FBXL17: variants seen among roughly 807,000 people sequenced by gnomAD.
The protein encoded by FBXL17 is F-box and leucine rich repeat protein 17.
In FBXL17, 22 loss-of-function variants were observed where a neutral mutation model predicts 66.2. The ratio of observed to expected loss-of-function variants is 0.33; its 90% CI spans 0.24 to 0.47. The LOEUF is 0.47. Among genes scored for constraint, FBXL17 ranks in the 20% least tolerant of loss-of-function variants. FBXL17 has a pLI of 1.00. For missense variants in FBXL17, 878 were observed against 948.2 expected (o/e 0.93, Z 0.97); for synonymous variants, 474 against 400.5 (o/e 1.18, Z -2.19).
chr5:108,126,661 A>G (rs202044207), intron 6 of FBXL17, among the ~76,000 whole-genome samples: 1 of 118,554 alleles, frequency 8.4e-6, no homozygotes, highest in African/African-American at 3.1e-5. Flanking sequence ...CTATATATAT[A>G]TACATATATA....
chr5:108,098,662 G>A (rs946687465), intron 6 of FBXL17, among the ~76,000 whole-genome samples: 3 of 150,164 alleles, frequency 2.0e-5, no homozygotes, highest in African/African-American at 4.9e-5. Context: ...GGAAAATGGC[G>A]TGAACCCGGG....
At chr5:108,210,732 T>G (rs1481851969) in intron 5 of FBXL17, among the ~76,000 whole-genome samples, 1 of 152,214 alleles carries the variant, frequency 6.6e-6, no homozygotes, top group Non-Finnish European at 1.5e-5. Context: ...TACTTCCAAT[T>G]ACGTGGTCAA....
chr5:108,354,068 T>C (rs1460570817), intron 3 of FBXL17, among the ~76,000 whole-genome samples: 2 of 152,230 alleles, frequency 1.3e-5, no homozygotes, highest in African/African-American at 4.8e-5. Context: ...ATAATTCCTT[T>C]GAGTATCCTG....
At chr5:107,975,333 CTTAT>C (rs1488110689) in intron 7 of FBXL17, among the ~76,000 whole-genome samples, 2 of 152,074 alleles carry the variant, frequency 1.3e-5, no homozygotes, top group Non-Finnish European at 2.9e-5. Context: ...CTACAGTTAT[CTTAT>C]TTTTCATTAT....
intron 4 of FBXL17, among the ~76,000 whole-genome samples, chr5:108,341,888 A>G (rs1400047730): frequency 6.6e-6 from 1 of 152,102 alleles, no homozygotes; most frequent in Non-Finnish European, 1.5e-5. Context: ...TCATCACATC[A>G]CTACATGTAA....
In FBXL17 at chr5:108,213,152, C is replaced by A. The variant is rs529392660; in HGVS notation, c.1614+10969G>T. On this transcript the variant is annotated intron_variant, in intron 5 of 8. Transcript: ENST00000542267. The stretch of plus-strand genomic sequence containing the variant: ...GCAATGGCAGGTGACCCTCCCCCTA[C>A]CGAGCTTGAGCCACAGCAGGCTGCT... 1.1e-4 allele frequency among the ~76,000 whole-genome samples: 16 copies of A among 152,214 alleles called. No individual in the cohort carries two copies. In the South Asian group the frequency reaches 3.3e-3, roughly 32 times the overall value.
At chr5:107,871,154 T>C (rs1164417608) in intron 8 of FBXL17, among the ~76,000 whole-genome samples, 1 of 148,954 alleles carries the variant, frequency 6.7e-6, no homozygotes, top group African/African-American at 2.5e-5. Flanking sequence ...GGCAGGCTCA[T>C]AAATTCAGTC....
At chr5:108,162,756 T>C (rs1308016601) in intron 6 of FBXL17, among the ~76,000 whole-genome samples, 1 of 152,178 alleles carries the variant, frequency 6.6e-6, no homozygotes, top group Non-Finnish European at 1.5e-5. Flanking sequence ...AATAACAGTA[T>C]CACCTCACAG....
At chr5:108,103,492 C>T (rs1047907079) in intron 6 of FBXL17, among the ~76,000 whole-genome samples, 4 of 152,040 alleles carry the variant, frequency 2.6e-5, no homozygotes, top group Non-Finnish European at 5.9e-5. Flanking sequence ...TCAATGTGAA[C>T]CTTTAGTATA....
chr5:108,009,020 C>A (rs935120820), intron 7 of FBXL17, among the ~76,000 whole-genome samples: 2 of 150,412 alleles, frequency 1.3e-5, no homozygotes, highest in Non-Finnish European at 3.0e-5. Context: ...GGAAATTTAA[C>A]CTAAGAAAGA....
chr5:107,966,915 G>T (rs918157772), intron 7 of FBXL17, among the ~76,000 whole-genome samples: 2 of 151,780 alleles, frequency 1.3e-5, no homozygotes, highest in African/African-American at 4.8e-5. Flanking sequence ...CCTTGTTTTG[G>T]GTAATTTTTC....
intron 6 of FBXL17, among the ~76,000 whole-genome samples, chr5:108,176,236 T>C (rs1005145442): frequency 6.6e-6 from 1 of 152,200 alleles, no homozygotes; most frequent in Admixed American, 6.5e-5. Flanking sequence ...TCTCATTCTT[T>C]CCTATAATTT....
At chr5:108,377,550 A>G (rs1329098448) in intron 1 of FBXL17, among the ~76,000 whole-genome samples, 2 of 152,238 alleles carry the variant, frequency 1.3e-5, no homozygotes, top group African/African-American at 4.8e-5. Flanking sequence ...CCCACGCGAG[A>G]ATGCTGTAGA....
intron 7 of FBXL17, among the ~76,000 whole-genome samples, chr5:108,016,046 T>C (rs1754373375): frequency 6.6e-6 from 1 of 152,174 alleles, no homozygotes; most frequent in South Asian, 2.1e-4. Context: ...TGACTCAATA[T>C]TTTTTGACAG....
At chr5:108,049,504 G>A (rs1319278808) in intron 6 of FBXL17, among the ~76,000 whole-genome samples, 1 of 152,026 alleles carries the variant, frequency 6.6e-6, no homozygotes, top group Admixed American at 6.6e-5. Context: ...ATAAGTGAAG[G>A]ATAAATAATA....
At chr5:108,353,448 T>C (rs1450479396) in intron 3 of FBXL17, among the ~76,000 whole-genome samples, 1 of 152,214 alleles carries the variant, frequency 6.6e-6, no homozygotes, top group Admixed American at 6.5e-5. Context: ...CTCATGCTTT[T>C]GTGAGTTTTA....
At chr5:108,200,624 A>G (rs1317462735) in intron 5 of FBXL17, among the ~76,000 whole-genome samples, 1 of 152,094 alleles carries the variant, frequency 6.6e-6, no homozygotes, top group Non-Finnish European at 1.5e-5. Flanking sequence ...GCCTCTGATA[A>G]AACACAATAA....
chr5:107,888,888 G>A (rs1043613389), intron 7 of FBXL17, among the ~76,000 whole-genome samples: 11 of 152,104 alleles, frequency 7.2e-5, no homozygotes, highest in Non-Finnish European at 1.2e-4. Flanking sequence ...TAAGTGTTAC[G>A]TTTAACTTTA....
chr5:107,946,293 A>C (rs1369198634), intron 7 of FBXL17, among the ~76,000 whole-genome samples: 1 of 71,968 alleles, frequency 1.4e-5, no homozygotes, highest in Non-Finnish European at 2.8e-5. Context: ...ATATATATAT[A>C]TATATATATA....
Sources: allele counts gnomAD v4.1 joint callset (sites outside exome capture counted in the v4.1 genomes callset), GRCh38; gene constraint gnomAD v4.1.1; transcripts MANE v1.5; gene names NCBI Gene and HGNC (gene_info 2026-07-23, HGNC 2026-07-21).